Variants in GRIN2A observed in about 807,000 individuals in gnomAD.
GRIN2A encodes the protein glutamate ionotropic receptor NMDA type subunit 2A.
In GRIN2A, 22 loss-of-function variants were observed where a neutral mutation model predicts 113.4. That is an observed-to-expected ratio of 0.19 (90% confidence interval 0.14 to 0.28). GRIN2A has a LOEUF of 0.28. Ranked by LOEUF, GRIN2A falls within the 10% of genes least tolerant of loss-of-function variation. The pLI, the probability that GRIN2A is intolerant of heterozygous loss-of-function variation, is 1.00. For synonymous variants in GRIN2A, 827 were observed against 738.4 expected, an observed-to-expected ratio of 1.12 and a Z score of -1.94; for missense variants, 1,502 against 1,887.0, an observed-to-expected ratio of 0.80 and a Z score of 3.78.
At position 9,762,500 on chromosome 16, in the gene GRIN2A, A is replaced by G. The variant is rs985916296; in HGVS notation, c.*649T>C. The G allele has an allele frequency of 4.5e-6, 1 of 222,554 alleles. No homozygotes were observed. Among genetic ancestry groups the G allele is most frequent in the Non-Finnish European group, 9.0e-6 (1 of 111,360 alleles). The allele number at this position is 222,554 out of a possible 1,614,324, so 13.8% of individuals were successfully genotyped here. A position where few individuals can be genotyped will look rare whatever the true frequency, so the allele number is the denominator to read the frequency against. ...TGGCTCCAGATGTGTCTTGGAAATGAACTATAATGAAGGTAGCACAGTCAT... is the reference window on the plus strand; with the variant it reads ...TGGCTCCAGATGTGTCTTGGAAATGGACTATAATGAAGGTAGCACAGTCAT... On this transcript the variant is annotated 3_prime_UTR_variant, in exon 13 of 13. Coordinates refer to ENST00000330684, the MANE Select transcript of GRIN2A (RefSeq NM_001134407.3).
At chr16:9,973,041 G>C (rs866311438) in intron 2 of GRIN2A, among the ~76,000 whole-genome samples, 1 of 152,188 alleles carries the variant, frequency 6.6e-6, no homozygotes, top group Admixed American at 6.5e-5. Context: ...GTTCCTGGGT[G>C]GGGGCCACAA....
At chr16:9,842,164 T>C (rs1014196478) in intron 5 of GRIN2A, among the ~76,000 whole-genome samples, 3 of 151,488 alleles carry the variant, frequency 2.0e-5, no homozygotes, top group African/African-American at 7.3e-5. Flanking sequence ...GGCATAAGAA[T>C]CACTTGAACC....
chr16:9,802,421 G>GCAA (rs1360040012), intron 10 of GRIN2A, among the ~76,000 whole-genome samples: 6 of 152,098 alleles, frequency 3.9e-5, no homozygotes, highest in African/African-American at 1.2e-4. Context: ...ATTATCCTGA[G>GCAA]CAAACTGATG....
intron 2 of GRIN2A, among the ~76,000 whole-genome samples, chr16:10,014,981 T>C (rs2046575471): frequency 6.6e-6 from 1 of 151,774 alleles, no homozygotes; most frequent in Non-Finnish European, 1.5e-5. Context: ...TGGACAGGTG[T>C]GGTGGCTCAT....
At chr16:10,007,048 G>A (rs1231266538) in intron 2 of GRIN2A, among the ~76,000 whole-genome samples, 1 of 152,132 alleles carries the variant, frequency 6.6e-6, no homozygotes, top group Non-Finnish European at 1.5e-5. Context: ...GAACACTTAG[G>A]TTGCTTCCAA....
At chr16:9,960,818 T>A (rs1271876969) in intron 2 of GRIN2A, among the ~76,000 whole-genome samples, 1 of 152,008 alleles carries the variant, frequency 6.6e-6, no homozygotes, top group Admixed American at 6.5e-5. Context: ...AGAGATGAGG[T>A]TTTGCCAATG....
intron 4 of GRIN2A, among the ~76,000 whole-genome samples, chr16:9,850,626 G>A (rs904559726): frequency 2.6e-5 from 4 of 152,124 alleles, no homozygotes; most frequent in Admixed American, 1.3e-4. Flanking sequence ...ACAACACAGA[G>A]AAGAGATGGA....
chr16:10,112,033 T>C, intron 2 of GRIN2A: 1 of 634,500 alleles, frequency 1.6e-6, no homozygotes, highest in Non-Finnish European at 2.9e-6. Flanking sequence ...CATGAGCTAG[T>C]GGCCATCGTC....
At chr16:10,139,922 G>A (rs901128797) in intron 2 of GRIN2A, among the ~76,000 whole-genome samples, 1 of 152,068 alleles carries the variant, frequency 6.6e-6, no homozygotes, top group Non-Finnish European at 1.5e-5. Flanking sequence ...CCGCCTCCCA[G>A]GTTAAAGTGA....
chr16:9,847,871 C>A (rs1322016218), intron 5 of GRIN2A, among the ~76,000 whole-genome samples: 1 of 147,288 alleles, frequency 6.8e-6, no homozygotes, highest in East Asian at 1.9e-4. Context: ...ACATTTGTGA[C>A]CTCATTGATA....
At chr16:9,774,408 C>G (rs964056793) in intron 11 of GRIN2A, among the ~76,000 whole-genome samples, 2 of 152,162 alleles carry the variant, frequency 1.3e-5, no homozygotes, top group African/African-American at 4.8e-5. Flanking sequence ...TATTAATACA[C>G]TCAATATCTG....
At chr16:9,809,349 G>T (rs1197045524) in intron 10 of GRIN2A, among the ~76,000 whole-genome samples, 1 of 152,092 alleles carries the variant, frequency 6.6e-6, no homozygotes, top group East Asian at 1.9e-4. Flanking sequence ...AGAATCACTT[G>T]AACCTGGGAG....
At chr16:9,767,110 G>C (rs1427465785) in intron 12 of GRIN2A, among the ~76,000 whole-genome samples, 2 of 152,212 alleles carry the variant, frequency 1.3e-5, no homozygotes, top group African/African-American at 2.4e-5. Context: ...AATTGGCTGG[G>C]AGAATTAGCT....
intron 4 of GRIN2A, among the ~76,000 whole-genome samples, chr16:9,876,285 G>A (rs1044746282): frequency 6.6e-6 from 1 of 152,044 alleles, no homozygotes; most frequent in African/African-American, 2.4e-5. Flanking sequence ...ATTATCTCAG[G>A]TAGCAGAGCA....
At chr16:10,075,050 T>G (rs949688241) in intron 2 of GRIN2A, among the ~76,000 whole-genome samples, 1 of 152,108 alleles carries the variant, frequency 6.6e-6, no homozygotes, top group Non-Finnish European at 1.5e-5. Flanking sequence ...AGTGTAGGCA[T>G]TGAGAATGTG....
chr16:10,141,913 G>T (rs1487575607), intron 2 of GRIN2A, among the ~76,000 whole-genome samples: 5 of 152,186 alleles, frequency 3.3e-5, no homozygotes, highest in Admixed American at 6.5e-5. Flanking sequence ...AGCTGAGAGT[G>T]CTTTCCACCA....
At chr16:9,984,558 C>T (rs1297791508) in intron 2 of GRIN2A, among the ~76,000 whole-genome samples, 1 of 152,110 alleles carries the variant, frequency 6.6e-6, no homozygotes, top group Non-Finnish European at 1.5e-5. Context: ...TAGTTTCATC[C>T]TTCTGCATAT....
intron 11 of GRIN2A, among the ~76,000 whole-genome samples, chr16:9,794,900 G>T (rs1902870964): frequency 7.1e-6 from 1 of 140,060 alleles, no homozygotes; most frequent in Non-Finnish European, 1.5e-5. Context: ...AGTTGTGCAC[G>T]GGCAACTATG....
intron 3 of GRIN2A, among the ~76,000 whole-genome samples, chr16:9,898,912 A>G (rs914385799): frequency 2.0e-5 from 3 of 151,794 alleles, no homozygotes; most frequent in African/African-American, 7.3e-5. Context: ...CATGGGCGCA[A>G]ATGAATCCTC....
Sources: gnomAD v4.1 joint callset for allele counts (sites outside exome capture counted in the v4.1 genomes callset) on GRCh38, gnomAD v4.1.1 for gene constraint, MANE v1.5 for transcripts, NCBI Gene and HGNC (gene_info 2026-07-23, HGNC 2026-07-21) for gene names.